NEGR1: variants seen among roughly 807,000 people sequenced by gnomAD.
NEGR1 encodes the protein IgLON family member 4.
NEGR1 carries 10 observed loss-of-function variants against 40.9 expected under a neutral mutation model. That is an observed-to-expected ratio of 0.24 (90% CI 0.15 to 0.42). The LOEUF (loss-of-function observed/expected upper bound fraction) is 0.42. Among genes scored for constraint, NEGR1 ranks in the 10% least tolerant of loss-of-function variants. The pLI is 1.00. For missense variants in NEGR1, 352 were observed against 438.9 expected (o/e 0.80, Z 1.77); for synonymous variants, 185 against 166.8 (o/e 1.11, Z -0.84).
intron 3 of NEGR1, among the ~76,000 whole-genome samples, chr1:71,723,807 C>T (rs1296346503): frequency 3.3e-5 from 5 of 152,072 alleles, no homozygotes; most frequent in African/African-American, 7.2e-5. Context: ...CAGGTGTCCT[C>T]GGATTTGTAA....
chr1:71,667,647 G>GTCTCAACA (rs1652287275), intron 4 of NEGR1, among the ~76,000 whole-genome samples: 1 of 152,186 alleles, frequency 6.6e-6, no homozygotes. Context: ...AGAATAATGT[G>GTCTCAACA]TCTCAACAGT....
At chr1:71,806,417 A>G (rs1447234692) in intron 2 of NEGR1, among the ~76,000 whole-genome samples, 2 of 152,092 alleles carry the variant, frequency 1.3e-5, no homozygotes, top group African/African-American at 4.8e-5. Flanking sequence ...TAGTATAAAA[A>G]GTATCAAATG....
chr1:71,429,871 ATACT>A lies in NEGR1; in HGVS notation c.941-22305_941-22302del, dbSNP rs552563511. 1.7e-3 allele frequency among the ~76,000 whole-genome samples: 253 copies of A among 152,342 alleles called. 2 individuals are homozygous for A. Among genetic ancestry groups the A allele is most frequent in the African/African-American group, 5.9e-3 (244 of 41,568 alleles). ...TAAAAATATACTTTATGGATTACCC[ATACT>A]TACTTATGAAGGATTCACTGCAGGG... On this transcript the variant is annotated intron_variant, in intron 6 of 6. Coordinates refer to ENST00000357731, the MANE Select transcript of NEGR1 (RefSeq NM_173808.3).
chr1:72,002,536 A>G (rs1646567093), intron 1 of NEGR1, among the ~76,000 whole-genome samples: 2 of 152,140 alleles, frequency 1.3e-5, no homozygotes, highest in Non-Finnish European at 2.9e-5. Context: ...AGTGATAGAT[A>G]TAACCATTAG....
chr1:71,717,551 G>A (rs1057191705), intron 3 of NEGR1, among the ~76,000 whole-genome samples: 1 of 152,086 alleles, frequency 6.6e-6, no homozygotes, highest in Non-Finnish European at 1.5e-5. Flanking sequence ...CAAGATCAGG[G>A]ACTTAATCTA....
chr1:71,823,923 C>T (rs1268635857), intron 2 of NEGR1, among the ~76,000 whole-genome samples: 2 of 151,970 alleles, frequency 1.3e-5, no homozygotes, highest in Admixed American at 6.6e-5. Flanking sequence ...GGTGATCACA[C>T]AGGTTTTATG....
At chr1:72,161,386 T>C (rs1570060154) in intron 1 of NEGR1, among the ~76,000 whole-genome samples, 1 of 152,002 alleles carries the variant, frequency 6.6e-6, no homozygotes, top group South Asian at 2.1e-4. Flanking sequence ...AAAATCTCCA[T>C]GGTGTATTTC....
At chr1:71,823,932 T>C (rs1255963920) in intron 2 of NEGR1, among the ~76,000 whole-genome samples, 1 of 152,062 alleles carries the variant, frequency 6.6e-6, no homozygotes, top group Non-Finnish European at 1.5e-5. Flanking sequence ...ACAGGTTTTA[T>C]GGCACTTTCA....
At chr1:72,008,939 T>C (rs1646632779) in intron 1 of NEGR1, among the ~76,000 whole-genome samples, 1 of 151,426 alleles carries the variant, frequency 6.6e-6, no homozygotes, top group Non-Finnish European at 1.5e-5. Context: ...TAAAATCTGG[T>C]TCTAGTCCAT....
intron 4 of NEGR1, among the ~76,000 whole-genome samples, chr1:71,645,741 A>C (rs967060749): frequency 6.6e-6 from 1 of 151,838 alleles, no homozygotes; most frequent in Admixed American, 6.6e-5. Flanking sequence ...ATTTATCTCC[A>C]CATTGTCTGT....
intron 1 of NEGR1, among the ~76,000 whole-genome samples, chr1:72,250,684 G>A (rs1011988629): frequency 1.1e-4 from 16 of 152,204 alleles, no homozygotes; most frequent in African/African-American, 2.6e-4. Context: ...ATAGTTAACC[G>A]TGAAATTCTT....
intron 3 of NEGR1, among the ~76,000 whole-genome samples, chr1:71,723,278 ACC>A (rs1324252685): frequency 6.6e-6 from 1 of 152,030 alleles, no homozygotes; most frequent in Non-Finnish European, 1.5e-5. Flanking sequence ...AGCTCCTAAA[ACC>A]CTTGGAATTT....
At chr1:72,212,040 C>T (rs113647241) in intron 1 of NEGR1, among the ~76,000 whole-genome samples, 2,610 of 152,018 alleles carry the variant, frequency 0.017, 39 homozygotes, top group Non-Finnish European at 0.03. Context: ...GAAATGCCTA[C>T]TCCTAAAGGA....
intron 2 of NEGR1, among the ~76,000 whole-genome samples, chr1:71,811,772 T>C (rs1308698340): frequency 6.6e-6 from 1 of 151,258 alleles, no homozygotes; most frequent in African/African-American, 2.4e-5. Flanking sequence ...TAATGTTTAC[T>C]GAATAAAGAA....
intron 6 of NEGR1, among the ~76,000 whole-genome samples, chr1:71,479,616 A>G (rs114158466): frequency 0.011 from 1,724 of 152,102 alleles, 32 homozygotes; most frequent in African/African-American, 0.04. Context: ...ATATACGCTT[A>G]AGGGAGAAAA....
intron 1 of NEGR1, among the ~76,000 whole-genome samples, chr1:72,101,150 TTGAC>T (rs564146187): frequency 6.6e-6 from 1 of 152,196 alleles, no homozygotes; most frequent in Non-Finnish European, 1.5e-5. Flanking sequence ...GCATATAAGT[TTGAC>T]TGTGTCTTTT....
chr1:72,263,265 A>C (rs1205994195), intron 1 of NEGR1, among the ~76,000 whole-genome samples: 2 of 151,754 alleles, frequency 1.3e-5, no homozygotes, highest in Non-Finnish European at 3.0e-5. Flanking sequence ...AGACTCTGCT[A>C]ATCTCAAAAG....
At chr1:71,641,396 C>T (rs948746670) in intron 4 of NEGR1, among the ~76,000 whole-genome samples, 2 of 151,934 alleles carry the variant, frequency 1.3e-5, no homozygotes, top group South Asian at 2.1e-4. Context: ...GCAGGTCCCT[C>T]GGTGTATAAA....
chr1:72,016,172 AAGG>A (rs1646708734), intron 1 of NEGR1, among the ~76,000 whole-genome samples: 1 of 152,146 alleles, frequency 6.6e-6, no homozygotes, highest in South Asian at 2.1e-4. Context: ...AAACTGACCA[AAGG>A]AGAACAGGAG....
Sources: gnomAD v4.1 joint callset for allele counts (sites outside exome capture counted in the v4.1 genomes callset) on GRCh38, gnomAD v4.1.1 for gene constraint, MANE v1.5 for transcripts, NCBI Gene and HGNC (gene_info 2026-07-23, HGNC 2026-07-21) for gene names.